The following EP400 variants were observed in gnomAD, a reference collection of about 807,000 sequenced individuals.
EP400 encodes E1A-binding protein p400.
In EP400, 105 loss-of-function variants were observed where a neutral mutation model predicts 354.1. That is an observed-to-expected ratio of 0.30 (90% CI 0.25 to 0.35). EP400 has a LOEUF of 0.35. Ranked by LOEUF, EP400 falls within the 10% of genes least tolerant of loss-of-function variation. The pLI, the probability that EP400 is intolerant of heterozygous loss-of-function variation, is 1.00. For missense variants in EP400, 3,280 were observed against 4,121.0 expected (o/e 0.80, Z 5.59); for synonymous variants, 1,646 against 1,716.9 (o/e 0.96, Z 1.02).
chr12:132,051,191 G>A (rs1895276103), intron 41 of EP400, among the ~76,000 whole-genome samples: 2 of 152,230 alleles, frequency 1.3e-5, no homozygotes, highest in East Asian at 3.9e-4. Context: ...TCTGACTGTC[G>A]GACTCTTTCC....
intron 50 of EP400, chr12:132,069,261 C>T (rs532726731): frequency 2.1e-5 from 11 of 525,300 alleles, no homozygotes; most frequent in Admixed American, 6.8e-5. Context: ...CTGCAGGCAA[C>T]GGCCAGGCCT....
At chr12:132,062,352 C>A (rs745856164) in intron 46 of EP400, 29 bp downstream of exon 46, 1 of 1,613,594 alleles carries the variant, frequency 6.2e-7, no homozygotes, top group South Asian at 1.1e-5. Context: ...CTTTCTCTGC[C>A]ACACGTCTGC....
intron 48 of EP400, chr12:132,066,235 G>A (rs1895886327): frequency 6.5e-6 from 1 of 153,428 alleles, no homozygotes; most frequent in Non-Finnish European, 1.4e-5. Flanking sequence ...TCAGATATGA[G>A]TAGTTTGAGG....
chr12:131,990,130 C>A lies in EP400; in HGVS notation c.2550+26C>A. On this transcript the variant is annotated intron_variant, in intron 8 of 52. Transcript: ENST00000389561. This position sits in a 1 kb window ranked among gnomAD's most constrained non-coding sequence, Gnocchi z 4.2. ...GCGAGTGCTGCCGTTGTCATGGGGT[C>A]GTAAGAATCAGTCTGTCGGAGCTGG... 6.3e-7 allele frequency: 1 copy of A among 1,582,824 alleles called. No homozygotes were observed. Among genetic ancestry groups the A allele is most frequent in the South Asian group, 1.1e-5 (1 of 86,974 alleles).
chr12:131,961,803 A>G lies in EP400; in HGVS notation c.1184A>G (p.His395Arg), dbSNP rs1891891981. 6.8e-6 allele frequency: 11 copies of G among 1,614,256 alleles called. No homozygotes were observed. The highest frequency in any genetic ancestry group is 9.3e-6 in the Non-Finnish European group (11 of 1,180,048). Residue 395 changes from histidine to arginine, a missense_variant, in exon 2 of 53, where the codon CAC becomes CGC. By Grantham distance (29) the His-to-Arg change is conservative. Coordinates refer to ENST00000389561, the MANE Select transcript of EP400 (RefSeq NM_015409.5). ...TTGATTGAACTGTTTTTCTTGCAAC[A>G]CTTTCAAGGGAACATGATGGATTTC... ...EYLIELFFLQ[H>R]FQGNMMDFLA... is the part of the protein sequence containing the mutation.
chr12:131,991,322 G>T (rs1893026997), intron 9 of EP400, 85 bp from the exon 10 acceptor site: 1 of 1,368,228 alleles, frequency 7.3e-7, no homozygotes, highest in Admixed American at 1.7e-5. Context: ...GTGGGTGGAG[G>T]CAGCAGGACC....
chr12:131,959,097 C>A (rs1010064382), intron 1 of EP400, among the ~76,000 whole-genome samples: 3 of 152,330 alleles, frequency 2.0e-5, no homozygotes, highest in South Asian at 4.1e-4. Flanking sequence ...TGGAACATTG[C>A]GGAGTGGTGT....
intron 4 of EP400, 44 bp downstream of exon 4, chr12:131,981,640 A>G: frequency 1.3e-6 from 2 of 1,516,088 alleles, no homozygotes; most frequent in Non-Finnish European, 1.8e-6. Flanking sequence ...AGGAGCAGGC[A>G]GCACACTGCG....
In EP400 at chr12:132,015,802, T is replaced by G. The variant is rs530424859; in HGVS notation, c.3924-1733T>G. 1.8e-4 allele frequency among the ~76,000 whole-genome samples: 27 copies of G among 152,246 alleles called. 2 individuals are homozygous for G. In the South Asian group the frequency reaches 5.6e-3, roughly 32 times the overall value. ...GCACGCCTCGCCCCCCTGGAGCACC[T>G]GGTAATCAAGTGTTTGGGCGCTGTC... is the stretch of plus-strand genomic sequence containing the variant. On this transcript the variant is annotated intron_variant, in intron 19 of 52. Transcript: ENST00000389561.
Position 132,064,847 on chromosome 12 carries a change from G to A in EP400, c.8514G>A (p.Leu2838=), listed in dbSNP as rs1239261133. ...CGGCCCCAAGGCCTGGTGCCCTGCT[G>A]ACGGGCACCACCGTGGCCAACCTCC... The part of the protein sequence containing the change: ...TVTAPRPGAL[L]TGTTVANLQV... Residue 2838 remains leucine, a synonymous_variant, in exon 48 of 53, where the codon CTG becomes CTA. Transcript: ENST00000389561. 1 of 1,611,644 alleles carries A rather than the reference G, an allele frequency of 6.2e-7. No homozygotes were observed. Among genetic ancestry groups the A allele is most frequent in the Non-Finnish European group, 8.5e-7 (1 of 1,179,402 alleles).
intron 42 of EP400, 36 bp downstream of exon 42, chr12:132,053,260 A>G: frequency 1.9e-6 from 3 of 1,611,910 alleles, no homozygotes; most frequent in Admixed American, 3.3e-5. Flanking sequence ...GAGTGGGAAA[A>G]TGTGGTGACT....
intron 25 of EP400, among the ~76,000 whole-genome samples, chr12:132,026,990 G>T (rs571667995): frequency 1.3e-5 from 2 of 152,348 alleles, no homozygotes; most frequent in South Asian, 4.1e-4. Flanking sequence ...CTCTGTTGCA[G>T]TTGTGAGGAC....
intron 5 of EP400, among the ~76,000 whole-genome samples, chr12:131,983,223 C>G (rs1892741648): frequency 6.6e-6 from 1 of 152,168 alleles, no homozygotes; most frequent in African/African-American, 2.4e-5. Flanking sequence ...ACCCTAGCTC[C>G]ATGTGAGTGC....
intron 12 of EP400, among the ~76,000 whole-genome samples, chr12:131,999,056 C>T (rs755704267): frequency 1.3e-5 from 2 of 151,618 alleles, no homozygotes; most frequent in South Asian, 4.2e-4. Context: ...TAGTGGTGGA[C>T]AACATTGGCT....
intron 1 of EP400, among the ~76,000 whole-genome samples, chr12:131,952,004 T>C (rs988606290): frequency 3.3e-5 from 5 of 151,952 alleles, no homozygotes; most frequent in Non-Finnish European, 7.4e-5. Context: ...CAGGCTGGTC[T>C]TGAACTCCTG....
chr12:132,036,243 A>C (rs1800091943), intron 30 of EP400, among the ~76,000 whole-genome samples: 1 of 143,392 alleles, frequency 7.0e-6, no homozygotes, highest in Non-Finnish European at 1.5e-5. Context: ...GGAAGGACAC[A>C]CCCAGGTTCA....
Position 131,950,013 on chromosome 12 carries a change from C to T in EP400, c.-59C>T, listed in dbSNP as rs547745398. 1.3e-5 allele frequency: 2 copies of T among 151,866 alleles called. No individual in the cohort carries two copies. Among genetic ancestry groups the T allele is most frequent in the African/African-American group, 4.8e-5 (2 of 41,414 alleles). The allele number at this position is 151,866 out of a possible 1,614,324, so 9.4% of individuals were successfully genotyped here. A position where few individuals can be genotyped will look rare whatever the true frequency, so the allele number is the denominator to read the frequency against. On this transcript the variant is annotated 5_prime_UTR_variant, in exon 1 of 53. Transcript: ENST00000389561. ...CATCCTCCCGCCCTCCTGACGCGGCCGGAGCGCAGCCCTGAGGCCCAGGGT... is the reference window on the plus strand; with the variant it reads ...CATCCTCCCGCCCTCCTGACGCGGCTGGAGCGCAGCCCTGAGGCCCAGGGT...
chr12:132,067,626 G>A lies in EP400; in HGVS notation c.8874+140G>A, dbSNP rs117334564. On this transcript the variant is annotated intron_variant, in intron 50 of 52. Transcript: ENST00000389561. This position sits in a 1 kb window ranked among gnomAD's most constrained non-coding sequence, Gnocchi z 5.3. ...GTGGCTTCAAGGGCTGGAGGTGCTAGTGTGGTCATCCCTGTTGGTTTTTCC... is the reference window on the plus strand; with the variant it reads ...GTGGCTTCAAGGGCTGGAGGTGCTAATGTGGTCATCCCTGTTGGTTTTTCC... 1.5e-4 allele frequency: 181 copies of A among 1,213,432 alleles called. 1 individual carries two copies. The East Asian group carries it at 4.2e-3, about 28-fold the overall frequency. 75.2% of individuals were successfully genotyped at this position (1,213,432 alleles called of 1,614,324 possible).
At chr12:131,989,337 C>T (rs1892957404) in intron 7 of EP400, among the ~76,000 whole-genome samples, 1 of 152,234 alleles carries the variant, frequency 6.6e-6, no homozygotes, top group South Asian at 2.1e-4. Context: ...GTGTTGACGA[C>T]AGTGAGCCCC....
Sources: gnomAD v4.1 joint callset for allele counts (sites outside exome capture counted in the v4.1 genomes callset) on GRCh38, gnomAD v4.1.1 for gene constraint, Gnocchi (gnomAD v3.1) non-coding constraint, MANE v1.5 for transcripts, NCBI Gene and HGNC (gene_info 2026-07-23, HGNC 2026-07-21) for gene names.